The following NRG2 variants were observed in gnomAD, a reference collection of about 807,000 sequenced individuals.
NRG2 encodes neuregulin 2.
Under a neutral mutation model 73.9 loss-of-function variants are expected in NRG2, and 27 were observed. The ratio of observed to expected loss-of-function variants is 0.37; its 90% confidence interval spans 0.27 to 0.50. NRG2 has a LOEUF of 0.50. NRG2 is among the 20% of genes least tolerant of loss of function. The pLI, the probability that NRG2 is intolerant of heterozygous loss-of-function variation, is 0.96. For missense variants in NRG2, 1,126 were observed against 1,210.1 expected (o/e 0.93, Z 1.03); for synonymous variants, 532 against 541.0 (o/e 0.98, Z 0.23).
chr5:139,921,366 A>G (rs1489914364), intron 1 of NRG2, among the ~76,000 whole-genome samples: 2 of 152,254 alleles, frequency 1.3e-5, no homozygotes, highest in East Asian at 1.9e-4. Context: ...TACAGTAATC[A>G]GGACAGTGGG....
At chr5:140,028,818 G>A (rs146778642) in intron 1 of NRG2, among the ~76,000 whole-genome samples, 18 of 152,170 alleles carry the variant, frequency 1.2e-4, no homozygotes, top group African/African-American at 4.3e-4. Flanking sequence ...GCAGAGTGTG[G>A]TGGATGTGAT....
chr5:139,921,580 G>T lies in NRG2; in HGVS notation c.701-34069C>A, dbSNP rs74815255. 5.9e-5 allele frequency among the ~76,000 whole-genome samples: 9 copies of T among 152,158 alleles called. No individual in the cohort carries two copies. The East Asian group carries it at 1.7e-3, about 29-fold the overall frequency. On this transcript the variant is annotated intron_variant, in intron 1 of 9. Transcript: ENST00000361474. ...AAAAAAAAAAAGAATCTAGACACAG[G>T]CATTTCACCACTCACAAATATCAAC...
At chr5:139,880,170 C>T (rs369224269) in intron 3 of NRG2, among the ~76,000 whole-genome samples, 6 of 152,168 alleles carry the variant, frequency 3.9e-5, no homozygotes, top group East Asian at 3.8e-4. Context: ...GGAGAGGGCA[C>T]TGCCTGAGGA....
intron 1 of NRG2, among the ~76,000 whole-genome samples, chr5:139,964,259 T>C (rs973233518): frequency 1.3e-5 from 2 of 152,192 alleles, no homozygotes; most frequent in Non-Finnish European, 2.9e-5. Context: ...GGCCCTCCAA[T>C]GTCTACCCTA....
intron 4 of NRG2, among the ~76,000 whole-genome samples, chr5:139,867,770 G>C (rs867630603): frequency 2.3e-3 from 289 of 126,532 alleles, no homozygotes; most frequent in Middle Eastern, 0.011. Flanking sequence ...ACCTGTGTGT[G>C]TGTGTGTGTG....
chr5:139,957,498 G>A (rs775416679), intron 1 of NRG2, among the ~76,000 whole-genome samples: 1 of 152,176 alleles, frequency 6.6e-6, no homozygotes, highest in East Asian at 1.9e-4. Flanking sequence ...GCAGAGGCTG[G>A]GAGGAAGTCA....
intron 1 of NRG2, among the ~76,000 whole-genome samples, chr5:139,958,558 T>A (rs1754812014): frequency 6.6e-6 from 1 of 152,200 alleles, no homozygotes; most frequent in Non-Finnish European, 1.5e-5. Flanking sequence ...GTGTTTGCAA[T>A]GCTTACAAAC....
At position 139,887,296 on chromosome 5, in the gene NRG2, G is replaced by A. The variant is rs536392805; in HGVS notation, c.872+44C>T. 2.5e-6 allele frequency: 4 copies of A among 1,605,074 alleles called. No homozygotes were observed. In the East Asian group the frequency reaches 8.9e-5, roughly 36 times the overall value. On this transcript the variant is annotated intron_variant, in intron 2 of 9. Coordinates refer to ENST00000361474, the MANE Select transcript of NRG2 (RefSeq NM_004883.3). This position sits in a 1 kb window ranked among gnomAD's most constrained non-coding sequence, Gnocchi z 4.5. ...TCAGGCCACTCCTTCTCGAGAGGAGGGAGGGCAGCTGCTTGGATGGAGGAC... is the reference window on the plus strand; with the variant it reads ...TCAGGCCACTCCTTCTCGAGAGGAGAGAGGGCAGCTGCTTGGATGGAGGAC...
chr5:139,952,787 G>A (rs1328648979), intron 1 of NRG2, among the ~76,000 whole-genome samples: 22 of 152,070 alleles, frequency 1.4e-4, no homozygotes, highest in Non-Finnish European at 1.5e-5. Context: ...GTGTGCATGC[G>A]TGTATGTGCG....
At chr5:139,972,639 G>A (rs147364353) in intron 1 of NRG2, among the ~76,000 whole-genome samples, 2,332 of 152,198 alleles carry the variant, frequency 0.015, 77 homozygotes, top group African/African-American at 0.054. Flanking sequence ...CAGGAAAATC[G>A]CTCGAACCCA....
intron 1 of NRG2, among the ~76,000 whole-genome samples, chr5:139,982,751 A>G (rs2126565946): frequency 6.6e-6 from 1 of 152,252 alleles, no homozygotes; most frequent in Non-Finnish European, 1.5e-5. Context: ...ATTCCCCCGC[A>G]AGGCGCCTTG....
intron 2 of NRG2, among the ~76,000 whole-genome samples, chr5:139,884,928 C>A (rs1264790503): frequency 6.6e-6 from 1 of 151,856 alleles, no homozygotes; most frequent in African/African-American, 2.4e-5. Flanking sequence ...GAGGCACGAC[C>A]CCCTGGGCAG....
At chr5:139,921,693 T>C (rs982506846) in intron 1 of NRG2, among the ~76,000 whole-genome samples, 5 of 152,066 alleles carry the variant, frequency 3.3e-5, no homozygotes, top group Non-Finnish European at 7.4e-5. Flanking sequence ...TGACCTTGGG[T>C]TTGGCAATGA....
At chr5:140,017,763 G>A (rs1759912020) in intron 1 of NRG2, among the ~76,000 whole-genome samples, 1 of 152,178 alleles carries the variant, frequency 6.6e-6, no homozygotes, top group South Asian at 2.1e-4. Context: ...GGTTGCGAAA[G>A]AGAAGAGAAA....
At chr5:139,882,578 G>A (rs2127110848) in intron 2 of NRG2, among the ~76,000 whole-genome samples, 1 of 152,240 alleles carries the variant, frequency 6.6e-6, no homozygotes, top group South Asian at 2.1e-4. Flanking sequence ...CTCTGACTAA[G>A]ACAGCATCTC....
intron 5 of NRG2, chr5:139,859,743 A>T: frequency 2.6e-6 from 2 of 770,158 alleles, no homozygotes; most frequent in South Asian, 3.5e-5. Flanking sequence ...TTATGATAGG[A>T]CATCTCGATG....
rs1764418957 is a variant in NRG2 at position 139,894,332 on chromosome 5, C to G, written c.701-6821G>C. Among the ~76,000 whole-genome samples the G allele has an allele frequency of 6.6e-6, 1 of 152,220 alleles. No homozygotes were observed. On this transcript the variant is annotated intron_variant, in intron 1 of 9. Transcript: ENST00000361474. The surrounding 1 kb of genome is among the most constrained non-coding windows in gnomAD (Gnocchi z 5.0). ...ACAATGTGGCCAGCCTGCCTGGCAT[C>G]AAAGTTTCCCACTGTCCTGCTGCTG...
At chr5:139,859,997 C>G (rs925132805) in intron 5 of NRG2, 5 of 1,415,014 alleles carry the variant, frequency 3.5e-6, no homozygotes, top group Non-Finnish European at 4.9e-6. Context: ...GAGAGAGAGA[C>G]AGAAACGTTG....
At position 140,042,627 on chromosome 5, in the gene NRG2, C is replaced by G; in HGVS notation, c.443G>C (p.Ser148Thr). The G allele has an allele frequency of 6.2e-7, 1 of 1,605,248 alleles. No homozygotes were observed. The highest frequency in any genetic ancestry group is 8.5e-7 in the Non-Finnish European group (1 of 1,177,012). ...LVPAGGSSSN[S>T]TREPPASGRV... ...ACCCGAGGCGGGCGGCTCTCGGGTG[C>G]TGTTGGAGCTGGAGCCGCCGGCTGG... The change falls in exon 1 of 10, where the codon AGC (serine) becomes ACC (threonine). Residue 148 changes from serine (S) to threonine (T), a missense_variant. By Grantham distance (58) the Ser-to-Thr change is moderately conservative. This residue lies in a region of NRG2 where 539 missense variants were observed against 703.2 expected (regional missense o/e 0.77). Coordinates refer to ENST00000361474, the MANE Select transcript of NRG2 (RefSeq NM_004883.3).
Sources: allele counts gnomAD v4.1 joint callset (sites outside exome capture counted in the v4.1 genomes callset), GRCh38; gene constraint gnomAD v4.1.1; regional missense constraint gnomAD v4.1.1; non-coding constraint Gnocchi (gnomAD v3.1); transcripts MANE v1.5; gene names NCBI Gene and HGNC (gene_info 2026-07-23, HGNC 2026-07-21).